ARID5B: variants seen among roughly 807,000 people sequenced by gnomAD.
ARID5B encodes AT-rich interaction domain 5B, also known as AT-rich interactive domain-containing protein 5B.
Under a neutral mutation model 97.2 loss-of-function variants are expected in ARID5B, and 13 were observed. The observed-to-expected ratio is 0.13, with a 90% CI of 0.09 to 0.21. ARID5B has a LOEUF of 0.21. Among genes scored for constraint, ARID5B ranks in the 10% least tolerant of loss-of-function variants. The probability of loss-of-function intolerance (pLI) is 1.00; values close to 1 mark genes in which losing one functional copy is unlikely to be tolerated. For missense variants in ARID5B, 1,210 were observed against 1,465.3 expected (o/e 0.83, Z 2.84); for synonymous variants, 556 against 570.3 (o/e 0.97, Z 0.36).
Position 62,057,095 on chromosome 10 carries a change from T to C in ARID5B, c.847-22T>C, listed in dbSNP as rs761086059. 5 of 1,612,118 alleles carry C rather than the reference T, an allele frequency of 3.1e-6. No individual in the cohort carries two copies. The South Asian group carries it at 4.4e-5, about 14-fold the overall frequency. ...TCCTGGGGCTGTGCCTCGTCTGATG[T>C]GGTATATTTTCCCTTTTCCAGGTGA... On this transcript the variant is annotated intron_variant, in intron 5 of 9. Transcript: ENST00000279873.
At chr10:62,035,256 T>C (rs1374955233) in intron 4 of ARID5B, among the ~76,000 whole-genome samples, 1 of 152,190 alleles carries the variant, frequency 6.6e-6, no homozygotes, top group Non-Finnish European at 1.5e-5. Flanking sequence ...GTCAGTGCAG[T>C]TTAACAAACA....
chr10:61,973,732 T>C (rs577480691), intron 3 of ARID5B, among the ~76,000 whole-genome samples: 2 of 152,352 alleles, frequency 1.3e-5, no homozygotes, highest in South Asian at 4.1e-4. Flanking sequence ...ATAAAAAGCT[T>C]TGCTTGATCC....
chr10:62,005,136 A>G (rs7073857), intron 4 of ARID5B, among the ~76,000 whole-genome samples: 3,514 of 152,296 alleles, frequency 0.023, 128 homozygotes, highest in African/African-American at 0.08. Context: ...TTCAGGGAGA[A>G]GGGGTTGGCT....
chr10:62,079,015 T>C (rs994163362), intron 8 of ARID5B, among the ~76,000 whole-genome samples: 4 of 152,244 alleles, frequency 2.6e-5, no homozygotes, highest in African/African-American at 9.6e-5. Flanking sequence ...CTTCTTCTGA[T>C]GTAGGAGGTT....
At chr10:61,992,114 C>CATA (rs1044236372) in intron 3 of ARID5B, among the ~76,000 whole-genome samples, 1 of 152,170 alleles carries the variant, frequency 6.6e-6, no homozygotes, top group African/African-American at 2.4e-5. Flanking sequence ...AGTCAGGCCC[C>CATA]ATAGAATAAC....
At chr10:61,966,358 A>G (rs903542062) in intron 3 of ARID5B, among the ~76,000 whole-genome samples, 2 of 152,154 alleles carry the variant, frequency 1.3e-5, no homozygotes, top group Admixed American at 1.3e-4. Context: ...CCAAGAAGTC[A>G]TCTTTCTCCC....
chr10:62,029,888 G>T (rs868048842), intron 4 of ARID5B, among the ~76,000 whole-genome samples: 4 of 152,296 alleles, frequency 2.6e-5, no homozygotes, highest in Middle Eastern at 6.8e-3. Flanking sequence ...TTAACGATGT[G>T]GGGGTAAGAC....
chr10:62,012,631 G>T (rs1345118536), intron 4 of ARID5B, among the ~76,000 whole-genome samples: 1 of 152,164 alleles, frequency 6.6e-6, no homozygotes, highest in Non-Finnish European at 1.5e-5. Context: ...TTCAAAGCTG[G>T]TATGCTTATC....
intron 4 of ARID5B, among the ~76,000 whole-genome samples, chr10:62,028,087 G>A (rs2393735): frequency 0.079 from 11,970 of 152,230 alleles, 740 homozygotes; most frequent in Admixed American, 0.2. Context: ...ACTTGATTCT[G>A]CGTCCCTGGA....
At chr10:61,924,044 T>C (rs2132773525) in intron 2 of ARID5B, among the ~76,000 whole-genome samples, 1 of 152,364 alleles carries the variant, frequency 6.6e-6, no homozygotes, top group Non-Finnish European at 1.5e-5. Flanking sequence ...GGATGCCTAG[T>C]AGTATGCATC....
At chr10:61,992,831 C>G (rs1469481003) in intron 3 of ARID5B, among the ~76,000 whole-genome samples, 2 of 152,056 alleles carry the variant, frequency 1.3e-5, no homozygotes, top group African/African-American at 4.8e-5. Flanking sequence ...CAGGGCTGCC[C>G]CACTTGCTTA....
rs572693708 is a variant in ARID5B, at chr10:62,012,447, C to T, written c.733+12126C>T. Among the ~76,000 whole-genome samples the T allele has an allele frequency of 3.5e-3, 528 of 152,310 alleles. 4 individuals carry two copies. Among genetic ancestry groups the T allele is most frequent in the Middle Eastern group, 3.4e-3 (1 of 294 alleles). On this transcript the variant is annotated intron_variant, in intron 4 of 9. Transcript: ENST00000279873. ...GCTGACGTGGGAGGATCATTTGAGC[C>T]TGGTATGCCAAGGTTGCAGTGAGCC... is the stretch of plus-strand genomic sequence containing the variant.
chr10:61,958,352 G>C (rs963568384), intron 3 of ARID5B, among the ~76,000 whole-genome samples: 1 of 151,882 alleles, frequency 6.6e-6, no homozygotes, highest in African/African-American at 2.4e-5. Flanking sequence ...CCTCAGCCTC[G>C]CAAATAGCTG....
At chr10:62,012,703 T>A (rs538611757) in intron 4 of ARID5B, among the ~76,000 whole-genome samples, 1 of 152,200 alleles carries the variant, frequency 6.6e-6, no homozygotes, top group Non-Finnish European at 1.5e-5. Context: ...TTCCCTCCAG[T>A]CTTTTTCAAA....
intron 4 of ARID5B, among the ~76,000 whole-genome samples, chr10:62,021,127 A>G (rs1014543203): frequency 6.6e-6 from 1 of 150,524 alleles, no homozygotes; most frequent in Non-Finnish European, 1.5e-5. Context: ...AACACAAAAC[A>G]ATCATCCTGA....
chr10:62,071,330 A>G (rs1257043940), intron 8 of ARID5B, among the ~76,000 whole-genome samples: 3 of 152,098 alleles, frequency 2.0e-5, no homozygotes, highest in Admixed American at 1.3e-4. Context: ...CACCACACCC[A>G]GCCAGAACAT....
At chr10:62,028,964 A>G (rs1378469210) in intron 4 of ARID5B, among the ~76,000 whole-genome samples, 4 of 152,034 alleles carry the variant, frequency 2.6e-5, no homozygotes, top group Admixed American at 2.0e-4. Flanking sequence ...CTCAAAAAAA[A>G]AAAAAAAAAA....
intron 4 of ARID5B, among the ~76,000 whole-genome samples, chr10:62,026,936 C>A (rs1839428170): frequency 6.6e-6 from 1 of 152,134 alleles, no homozygotes; most frequent in Non-Finnish European, 1.5e-5. Context: ...GCAACTTCAG[C>A]CTGCAGAAGG....
intron 9 of ARID5B, among the ~76,000 whole-genome samples, chr10:62,087,826 C>G (rs1292152149): frequency 6.6e-6 from 1 of 151,278 alleles, no homozygotes; most frequent in Admixed American, 6.6e-5. Flanking sequence ...TTATTTTAAG[C>G]TCTAGTAACT....
Sources: gnomAD v4.1 joint callset for allele counts (sites outside exome capture counted in the v4.1 genomes callset) on GRCh38, gnomAD v4.1.1 for gene constraint, MANE v1.5 for transcripts, NCBI Gene and HGNC (gene_info 2026-07-23, HGNC 2026-07-21) for gene names.